The following GSAP variants were observed in gnomAD, a reference collection of about 807,000 sequenced individuals.
GSAP encodes the protein gamma-secretase-activating protein.
A neutral mutation model predicts 131.7 loss-of-function variants in GSAP; 118 were observed. The ratio of observed to expected loss-of-function variants is 0.90; its 90% CI spans 0.77 to 1.04. GSAP has a LOEUF of 1.04. Among genes scored for constraint, GSAP ranks in the 50% least tolerant of loss-of-function variants. GSAP has a pLI of 0.00. For synonymous variants in GSAP, 381 were observed against 363.4 expected, an observed-to-expected ratio of 1.05 and a Z score of -0.55; for missense variants, 1,019 against 1,013.2, an observed-to-expected ratio of 1.01 and a Z score of -0.08.
Position 77,416,205 on chromosome 7 carries a change from T to TCCC in GSAP, c.109+5_109+7dup. 1.3e-6 allele frequency: 1 copy of TCCC among 748,820 alleles called. No homozygotes were observed. The highest frequency in any genetic ancestry group is 1.8e-6 in the Non-Finnish European group (1 of 549,522). 46.4% of individuals were successfully genotyped at this position (748,820 alleles called of 1,614,324 possible). On this transcript the variant is annotated splice_region_variant and intron_variant, in intron 1 of 30. Coordinates refer to ENST00000257626, the MANE Select transcript of GSAP (RefSeq NM_017439.4). ...CCCCCACCCCTCTCCGCAGCGCGCC[T>TCCC]CCCGCACCTGCGCCGCCGCTTCCGG...
At chr7:77,358,019 G>A (rs1216084000) in intron 14 of GSAP, among the ~76,000 whole-genome samples, 1 of 152,136 alleles carries the variant, frequency 6.6e-6, no homozygotes, top group Non-Finnish European at 1.5e-5. Flanking sequence ...ATTACTATTT[G>A]TCAGTTAAAA....
Position 77,396,188 on chromosome 7 carries a change from T to C in GSAP, c.367+794A>G, listed in dbSNP as rs547603104. 5.3e-5 allele frequency among the ~76,000 whole-genome samples: 8 copies of C among 152,196 alleles called. 1 individual carries two copies. In the South Asian group the frequency reaches 1.7e-3, roughly 32 times the overall value. On this transcript the variant is annotated intron_variant, in intron 5 of 30. Transcript: ENST00000257626. ...ATCCCTACCCTACTACTAGTCCCTA[T>C]ATCTCTTGAACTTTTTTTTTTTCGT...
At position 77,387,224 on chromosome 7, in the gene GSAP, C is replaced by T. The variant is rs1290458855; in HGVS notation, c.456+136G>A. On this transcript the variant is annotated intron_variant, in intron 6 of 30. Transcript: ENST00000257626. The stretch of plus-strand genomic sequence containing the variant: ...CATGCTTGCAAACAAAGAGCGGATA[C>T]TTCCAGCCATAGTAGTCTACAAGAC... The T allele has an allele frequency of 6.5e-5, 31 of 477,122 alleles. No individual in the cohort carries two copies. The East Asian group carries it at 1.0e-3, about 16-fold the overall frequency. The allele number at this position is 477,122 out of a possible 1,614,324, so 29.6% of individuals were successfully genotyped here. A position where few individuals can be genotyped will look rare whatever the true frequency, so the allele number is the denominator to read the frequency against.
At chr7:77,337,668 T>A (rs1205755983) in intron 19 of GSAP, among the ~76,000 whole-genome samples, 1 of 152,180 alleles carries the variant, frequency 6.6e-6, no homozygotes, top group Non-Finnish European at 1.5e-5. Context: ...CTGAGTCAGG[T>A]AATCAACAAT....
intron 14 of GSAP, 140 bp from the exon 15 acceptor site, chr7:77,355,787 G>GTTTT (rs11353263): frequency 7.2e-4 from 213 of 294,496 alleles, no homozygotes; most frequent in South Asian, 2.0e-3. Context: ...ATGACAGCCC[G>GTTTT]TTTTTTTTTT....
chr7:77,369,853 T>C (rs942034294), intron 12 of GSAP, among the ~76,000 whole-genome samples: 7 of 152,212 alleles, frequency 4.6e-5, no homozygotes, highest in Non-Finnish European at 1.0e-4. Context: ...AAAAGGTTGC[T>C]TCTCTGGCTT....
At chr7:77,404,505 CAAAG>C (rs1563132656) in intron 3 of GSAP, 50 bp downstream of exon 3, 11 of 867,552 alleles carry the variant, frequency 1.3e-5, no homozygotes, top group Non-Finnish European at 1.9e-5. Context: ...AAGGAGGAGA[CAAAG>C]AAAACTCTAA....
intron 22 of GSAP, chr7:77,328,364 A>C (rs972023693): frequency 1.6e-6 from 2 of 1,258,494 alleles, no homozygotes; most frequent in African/African-American, 3.1e-5. Context: ...GAGAACCGCA[A>C]GGCCATCACC....
intron 12 of GSAP, among the ~76,000 whole-genome samples, chr7:77,370,119 C>A (rs562658464): frequency 1.3e-5 from 2 of 152,130 alleles, no homozygotes. Context: ...AAAAGCCACA[C>A]TGGATTAAAG....
At chr7:77,383,414 C>T (rs376254060) in intron 6 of GSAP, among the ~76,000 whole-genome samples, 3 of 152,216 alleles carry the variant, frequency 2.0e-5, no homozygotes, top group South Asian at 4.1e-4. Flanking sequence ...ATATTCCCCA[C>T]GACAGCTTCC....
intron 19 of GSAP, among the ~76,000 whole-genome samples, chr7:77,338,162 CTCAATCAA>C (rs989675631): frequency 6.6e-6 from 1 of 152,006 alleles, no homozygotes; most frequent in Admixed American, 6.6e-5. Flanking sequence ...GAGACCCTAT[CTCAATCAA>C]TCAATCAATC....
intron 1 of GSAP, among the ~76,000 whole-genome samples, chr7:77,408,575 C>T (rs920982968): frequency 4.0e-5 from 6 of 151,066 alleles, no homozygotes; most frequent in Non-Finnish European, 8.8e-5. Flanking sequence ...GTGGTGCACA[C>T]CTGTAATCCC....
chr7:77,408,870 A>T (rs1463748645), intron 1 of GSAP, among the ~76,000 whole-genome samples: 1 of 152,106 alleles, frequency 6.6e-6, no homozygotes, highest in African/African-American at 2.4e-5. Context: ...TAAAAGGAAA[A>T]GACAAGATAA....
At chr7:77,312,399 C>T (rs1794486568) in intron 28 of GSAP, among the ~76,000 whole-genome samples, 197 bp from the exon 29 acceptor site, 1 of 152,114 alleles carries the variant, frequency 6.6e-6, no homozygotes, top group African/African-American at 2.4e-5. Context: ...CTCTCAAACG[C>T]TACATTGAGG....
chr7:77,391,982 T>C (rs1471455733), intron 5 of GSAP, among the ~76,000 whole-genome samples: 1 of 152,028 alleles, frequency 6.6e-6, no homozygotes, highest in East Asian at 1.9e-4. Flanking sequence ...CCCAGCACTT[T>C]GGGAAGCCAA....
At chr7:77,326,345 G>T in intron 22 of GSAP, 72 bp from the exon 23 acceptor site, 3 of 1,048,098 alleles carry the variant, frequency 2.9e-6, no homozygotes, top group East Asian at 2.4e-5. Context: ...AGAAGAATCA[G>T]CCTGGGTTTC....
intron 1 of GSAP, among the ~76,000 whole-genome samples, chr7:77,407,136 C>A (rs749508093): frequency 4.6e-5 from 7 of 152,188 alleles, no homozygotes; most frequent in Non-Finnish European, 8.8e-5. Flanking sequence ...CAGATAAAGT[C>A]TTTGTAACTG....
intron 10 of GSAP, among the ~76,000 whole-genome samples, chr7:77,375,826 AGAGT>A (rs1043751884): frequency 1.0e-4 from 15 of 145,914 alleles, no homozygotes; most frequent in Admixed American, 2.1e-4. Context: ...CCAGGGCAAC[AGAGT>A]GAGACTCCGT....
upstream of GSAP, chr7:77,416,360 A>C: frequency 1.6e-6 from 2 of 1,230,652 alleles, no homozygotes; most frequent in Non-Finnish European, 1.1e-6. Context: ...GGGGCCCCGC[A>C]CCGCGGGCAT....
Sources: gnomAD v4.1 joint callset for allele counts (sites outside exome capture counted in the v4.1 genomes callset) on GRCh38, gnomAD v4.1.1 for gene constraint, MANE v1.5 for transcripts, NCBI Gene and HGNC (gene_info 2026-07-23, HGNC 2026-07-21) for gene names.